Variants in TENM1 observed in about 807,000 individuals in gnomAD.
TENM1 encodes teneurin transmembrane protein 1, also known as teneurin-1.
TENM1 carries 35 observed loss-of-function variants against 174.8 expected under a neutral mutation model. The observed-to-expected ratio is 0.20, with a 90% CI of 0.15 to 0.27. TENM1 has a LOEUF of 0.27. TENM1 is among the 10% of genes least tolerant of loss of function. The pLI, the probability that TENM1 is intolerant of heterozygous loss-of-function variation, is 1.00. For synonymous variants in TENM1, 781 were observed against 798.7 expected, an observed-to-expected ratio of 0.98 and a Z score of 0.37; for missense variants, 1,633 against 2,130.1, an observed-to-expected ratio of 0.77 and a Z score of 4.59.
the TENM1 span, among the ~76,000 whole-genome samples, chrX:125,079,291 C>T: frequency 8.9e-6 from 1 of 111,900 alleles, no homozygotes; most frequent in Non-Finnish European, 1.9e-5. Context: ...AAGACTGTCA[C>T]CATCAATTTC....
At chrX:124,658,568 T>C (rs1439902959) in intron 6 of TENM1, among the ~76,000 whole-genome samples, 1 of 111,970 alleles carries the variant, frequency 8.9e-6, no homozygotes, top group African/African-American at 3.2e-5. Context: ...GAGGAAGAAT[T>C]ATAACTATTT....
At chrX:124,466,226 A>G (rs930959255) in intron 22 of TENM1, among the ~76,000 whole-genome samples, 1 of 112,351 alleles carries the variant, frequency 8.9e-6, no homozygotes, top group Non-Finnish European at 1.9e-5. Context: ...TTATATATAT[A>G]AACACACTTT....
the TENM1 span, among the ~76,000 whole-genome samples, chrX:125,009,654 T>C: frequency 8.9e-6 from 1 of 111,789 alleles, no homozygotes; most frequent in African/African-American, 3.3e-5. Context: ...GCAAACTGAA[T>C]CCAGCAGCAC....
intron 1 of TENM1, among the ~76,000 whole-genome samples, chrX:124,949,407 A>G (rs921923969): frequency 3.6e-5 from 4 of 112,170 alleles, no homozygotes; most frequent in Non-Finnish European, 5.6e-5. Context: ...AAAAGTAAAT[A>G]AGGCATAGTT....
chrX:124,769,116 A>G (rs1401410517), intron 3 of TENM1, among the ~76,000 whole-genome samples: 2 of 112,094 alleles, frequency 1.8e-5, no homozygotes, highest in South Asian at 3.7e-4. Context: ...TATTATAACA[A>G]ATGTAAGAAA....
intron 4 of TENM1, among the ~76,000 whole-genome samples, chrX:124,713,559 T>C (rs1444692536): frequency 8.9e-6 from 1 of 112,525 alleles, no homozygotes; most frequent in African/African-American, 3.2e-5. Context: ...TGAGCCACCA[T>C]GCCCAGCCGG....
intron 3 of TENM1, among the ~76,000 whole-genome samples, chrX:124,819,709 C>T (rs62604297): frequency 0.036 from 3,983 of 110,847 alleles, 77 homozygotes; most frequent in Middle Eastern, 0.12. Context: ...ATCAGCACCA[C>T]GAAATTGTCA....
chrX:124,682,392 G>C (rs1487793367), intron 5 of TENM1, among the ~76,000 whole-genome samples: 1 of 111,397 alleles, frequency 9.0e-6, no homozygotes, highest in African/African-American at 3.3e-5. Context: ...TAGCTATATA[G>C]TATGAAATGG....
At position 124,603,401 on chromosome X, in the gene TENM1, A is replaced by G. The variant is rs112478402; in HGVS notation, c.2078-37841T>C. On this transcript the variant is annotated intron_variant, in intron 11 of 31. Coordinates refer to ENST00000422452, the Ensembl canonical transcript of TENM1. ...ACTGCAAACATTTATCGGGAATTTT[A>G]GATACTAAGCACTGTGCTGAATGAT... Among the ~76,000 whole-genome samples the G allele has an allele frequency of 3.1e-3, 342 of 112,062 alleles. 1 individual carries two copies. Among genetic ancestry groups the G allele is most frequent in the African/African-American group, 0.011 (331 of 30,951 alleles).
chrX:124,965,343 T>G (rs2058713259), upstream of TENM1, among the ~76,000 whole-genome samples: 1 of 111,734 alleles, frequency 8.9e-6, no homozygotes, highest in Non-Finnish European at 1.9e-5. Context: ...CCTCCCAAAG[T>G]GCTGGGATTA....
upstream of TENM1, among the ~76,000 whole-genome samples, chrX:124,965,063 TCAA>T (rs2058707549): frequency 9.9e-6 from 1 of 101,230 alleles, no homozygotes; most frequent in Non-Finnish European, 1.9e-5. Context: ...TTTTTATTGA[TCAA>T]TTTGATTGAT....
chrX:124,751,405 T>C (rs967875784), intron 3 of TENM1, among the ~76,000 whole-genome samples: 4 of 111,785 alleles, frequency 3.6e-5, no homozygotes, highest in African/African-American at 1.3e-4. Flanking sequence ...ATTATGAGGA[T>C]AGTTTAGGGT....
At chrX:124,914,408 T>C (rs1307909249) in intron 1 of TENM1, among the ~76,000 whole-genome samples, 1 of 111,476 alleles carries the variant, frequency 9.0e-6, no homozygotes, top group Non-Finnish European at 1.9e-5. Flanking sequence ...AGTTGGTAGA[T>C]TAAGCTAGGA....
chrX:125,179,183 C>T, the TENM1 span, among the ~76,000 whole-genome samples: 2 of 111,473 alleles, frequency 1.8e-5, no homozygotes, highest in African/African-American at 6.5e-5. Context: ...TATTCTACCC[C>T]CTCCCAGAGT....
chrX:124,544,300 T>C (rs1259046060), intron 15 of TENM1, among the ~76,000 whole-genome samples: 1 of 112,231 alleles, frequency 8.9e-6, no homozygotes, highest in African/African-American at 3.2e-5. Flanking sequence ...GACTAGGCTG[T>C]CAGCACCAGT....
chrX:125,019,209 A>G, the TENM1 span, among the ~76,000 whole-genome samples: 1 of 111,145 alleles, frequency 9.0e-6, no homozygotes, highest in African/African-American at 3.3e-5. Context: ...AACCAAACAA[A>G]CCCCCATCTA....
intron 27 of TENM1, among the ~76,000 whole-genome samples, chrX:124,394,603 T>C (rs1379605961): frequency 8.9e-6 from 1 of 112,307 alleles, no homozygotes; most frequent in East Asian, 2.8e-4. Flanking sequence ...AACTTTTTCA[T>C]GGCAGAAAAA....
chrX:124,459,566 C>T (rs1258837557), intron 22 of TENM1, among the ~76,000 whole-genome samples: 6 of 111,271 alleles, frequency 5.4e-5, no homozygotes, highest in Non-Finnish European at 7.5e-5. Context: ...TGGACCCCTT[C>T]GTTATACCAT....
At chrX:124,839,710 C>A (rs1458455715) in intron 3 of TENM1, among the ~76,000 whole-genome samples, 4 of 111,806 alleles carry the variant, frequency 3.6e-5, no homozygotes, top group African/African-American at 1.3e-4. Flanking sequence ...ATTATCTTTA[C>A]AGTATTTTTT....
Sources: allele counts gnomAD v4.1 joint callset (sites outside exome capture counted in the v4.1 genomes callset), GRCh38; gene constraint gnomAD v4.1.1; transcripts MANE v1.5; gene names NCBI Gene and HGNC (gene_info 2026-07-23, HGNC 2026-07-21).